The following CERS6 variants were observed in gnomAD, a reference collection of about 807,000 sequenced individuals.
The protein encoded by CERS6 is LAG1 homolog, ceramide synthase 6.
In CERS6, 26 loss-of-function variants were observed where a neutral mutation model predicts 56.8. The observed-to-expected ratio is 0.46, with a 90% CI of 0.34 to 0.63. The LOEUF is 0.63. Among genes scored for constraint, CERS6 ranks in the 30% least tolerant of loss-of-function variants. The pLI, the probability that CERS6 is intolerant of heterozygous loss-of-function variation, is 0.01. For missense variants in CERS6, 415 were observed against 467.5 expected (o/e 0.89, Z 1.04); for synonymous variants, 164 against 173.3 (o/e 0.95, Z 0.42).
chr2:168,759,566 C>T (rs1684509344), intron 8 of CERS6, among the ~76,000 whole-genome samples: 1 of 152,168 alleles, frequency 6.6e-6, no homozygotes, highest in Non-Finnish European at 1.5e-5. Flanking sequence ...ACAAATTCAT[C>T]TGTGACCACC....
intron 1 of CERS6, among the ~76,000 whole-genome samples, chr2:168,512,326 A>G (rs1218254630): frequency 6.6e-6 from 1 of 152,162 alleles, no homozygotes; most frequent in Non-Finnish European, 1.5e-5. Context: ...AAAATGGTTA[A>G]TACAGTAAAT....
At chr2:168,639,603 G>A (rs1684940232) in intron 4 of CERS6, among the ~76,000 whole-genome samples, 1 of 152,150 alleles carries the variant, frequency 6.6e-6, no homozygotes, top group Admixed American at 6.5e-5. Context: ...GTAATGAGAT[G>A]TTCTACTTCT....
At chr2:168,549,403 G>A (rs1193983366) in intron 2 of CERS6, among the ~76,000 whole-genome samples, 2 of 152,216 alleles carry the variant, frequency 1.3e-5, no homozygotes, top group Non-Finnish European at 2.9e-5. Context: ...TTGGGAGGCT[G>A]AGGCGGGCAG....
chr2:168,545,186 T>C (rs1695443526), intron 1 of CERS6, among the ~76,000 whole-genome samples: 1 of 151,582 alleles, frequency 6.6e-6, no homozygotes, highest in African/African-American at 2.4e-5. Flanking sequence ...TGTACATATA[T>C]AATTATAATA....
At chr2:168,464,373 C>A (rs749279956) in intron 1 of CERS6, among the ~76,000 whole-genome samples, 1 of 151,996 alleles carries the variant, frequency 6.6e-6, no homozygotes, top group Non-Finnish European at 1.5e-5. Flanking sequence ...GTTGGCCGGG[C>A]TAGTTTCGAA....
At chr2:168,704,646 G>A (rs572283801) in intron 6 of CERS6, among the ~76,000 whole-genome samples, 3 of 151,910 alleles carry the variant, frequency 2.0e-5, no homozygotes, top group African/African-American at 4.8e-5. Flanking sequence ...TCGCTTTGTC[G>A]CCCAGGCTCG....
intron 1 of CERS6, among the ~76,000 whole-genome samples, chr2:168,501,107 G>A (rs1193413010): frequency 2.0e-5 from 3 of 152,154 alleles, no homozygotes; most frequent in Non-Finnish European, 2.9e-5. Flanking sequence ...CTGAATACAC[G>A]CCTGGCCAGA....
At chr2:168,733,765 A>C (rs931611570) in intron 8 of CERS6, among the ~76,000 whole-genome samples, 1 of 152,314 alleles carries the variant, frequency 6.6e-6, no homozygotes, top group Admixed American at 6.5e-5. Flanking sequence ...GGAGCAGGTA[A>C]AGGTTGACAA....
chr2:168,632,489 C>T (rs1052116518), intron 4 of CERS6, among the ~76,000 whole-genome samples: 1 of 152,110 alleles, frequency 6.6e-6, no homozygotes, highest in South Asian at 2.1e-4. Context: ...TTGGTAACTG[C>T]ACTTATTTTC....
intron 1 of CERS6, among the ~76,000 whole-genome samples, chr2:168,460,264 G>A (rs377329200): frequency 7.3e-5 from 11 of 151,498 alleles, no homozygotes; most frequent in African/African-American, 2.7e-4. Context: ...GCATGATCAT[G>A]GCTCACTGCA....
chr2:168,769,977 A>G lies in CERS6; in HGVS notation c.*315A>G, dbSNP rs990996948. ...GAGGGTTTCCTCACTCCTTTTACTC[A>G]CTGGGCTCATGACAGTGAAGGAGAT... On this transcript the variant is annotated 3_prime_UTR_variant, in exon 10 of 10. Transcript: ENST00000305747. The G allele has an allele frequency of 2.4e-5, 7 of 294,246 alleles. No homozygotes were observed. The highest frequency in any genetic ancestry group is 1.1e-3 in the Middle Eastern group (1 of 930). 18.2% of individuals were successfully genotyped at this position (294,246 alleles called of 1,614,324 possible).
At chr2:168,744,644 A>G (rs1160306636) in intron 8 of CERS6, among the ~76,000 whole-genome samples, 1 of 152,200 alleles carries the variant, frequency 6.6e-6, no homozygotes, top group Non-Finnish European at 1.5e-5. Flanking sequence ...TGTCCTCAAT[A>G]AAGTGGATAG....
chr2:168,612,233 C>T (rs1335319510), intron 3 of CERS6, among the ~76,000 whole-genome samples: 1 of 152,194 alleles, frequency 6.6e-6, no homozygotes, highest in Non-Finnish European at 1.5e-5. Flanking sequence ...AGTCTTCATG[C>T]CCAGGCTGAG....
chr2:168,549,369 G>A lies in CERS6; in HGVS notation c.276+1668G>A, dbSNP rs1695524204. On this transcript the variant is annotated intron_variant, in intron 2 of 9. Coordinates refer to ENST00000305747, the MANE Select transcript of CERS6 (RefSeq NM_203463.3). ...ATACTTGCTTTGGCTGGGCGTGGTG[G>A]CTCACGCCTGTAATGCCAGCACTTT... Among the ~76,000 whole-genome samples, 3 of 152,186 alleles carry A rather than the reference G, an allele frequency of 2.0e-5. No homozygotes were observed. The South Asian group carries it at 6.2e-4, about 31-fold the overall frequency.
intron 4 of CERS6, among the ~76,000 whole-genome samples, chr2:168,659,595 T>C (rs982993333): frequency 4.6e-5 from 7 of 152,242 alleles, no homozygotes; most frequent in Non-Finnish European, 8.8e-5. Context: ...ATCTCTTCAA[T>C]GTATCCAGTG....
At chr2:168,467,741 T>G (rs1693906081) in intron 1 of CERS6, among the ~76,000 whole-genome samples, 1 of 152,236 alleles carries the variant, frequency 6.6e-6, no homozygotes, top group Non-Finnish European at 1.5e-5. Flanking sequence ...GGGGATTCAA[T>G]GAAACCTGGT....
chr2:168,645,116 A>ATATATATAT lies in CERS6; in HGVS notation c.465+14074_465+14075insTATATATAT, dbSNP rs1193983720. On this transcript the variant is annotated intron_variant, in intron 4 of 9. Transcript: ENST00000305747. The stretch of plus-strand genomic sequence containing the variant: ...AAAAAAAAAAAAAAAAAAAAAAAAA[A>ATATATATAT]ATATATATATATATATATATATATA... Among the ~76,000 whole-genome samples, 18 of 19,032 alleles carry ATATATATAT rather than the reference A, an allele frequency of 9.5e-4. 1 individual carries two copies. Among genetic ancestry groups the ATATATATAT allele is most frequent in the South Asian group, 3.9e-3 (1 of 258 alleles). 12.5% of individuals were successfully genotyped at this position (19,032 alleles called of 152,430 possible).
intron 8 of CERS6, among the ~76,000 whole-genome samples, chr2:168,732,291 T>G (rs910855336): frequency 1.1e-4 from 16 of 152,136 alleles, no homozygotes. Flanking sequence ...CACTCAAGAG[T>G]GAGTTCCAGC....
chr2:168,682,826 G>A (rs1686253694), intron 4 of CERS6, among the ~76,000 whole-genome samples: 1 of 152,138 alleles, frequency 6.6e-6, no homozygotes, highest in South Asian at 2.1e-4. Flanking sequence ...AATTGTGTTG[G>A]TTTTTCTCCT....
Sources: gnomAD v4.1 joint callset for allele counts (sites outside exome capture counted in the v4.1 genomes callset) on GRCh38, gnomAD v4.1.1 for gene constraint, MANE v1.5 for transcripts, NCBI Gene and HGNC (gene_info 2026-07-23, HGNC 2026-07-21) for gene names.